TRIM33: variants seen among roughly 807,000 people sequenced by gnomAD.
TRIM33 encodes the protein E3 ubiquitin-protein ligase TRIM33.
TRIM33 carries 20 observed loss-of-function variants against 125.4 expected under a neutral mutation model. The observed-to-expected ratio is 0.16, with a 90% CI of 0.11 to 0.23. TRIM33 has a LOEUF of 0.23. Among genes scored for constraint, TRIM33 ranks in the 10% least tolerant of loss-of-function variants. TRIM33 has a pLI of 1.00. For missense variants in TRIM33, 920 were observed against 1,411.4 expected (o/e 0.65, Z 5.58); for synonymous variants, 564 against 513.9 (o/e 1.10, Z -1.32).
intron 11 of TRIM33, among the ~76,000 whole-genome samples, chr1:114,413,042 GC>G (rs1396870404): frequency 7.2e-5 from 11 of 152,100 alleles, no homozygotes; most frequent in Non-Finnish European, 1.2e-4. Flanking sequence ...TTTAATTTTA[GC>G]CATCCTAATA....
At chr1:114,451,154 T>C (rs1013766373) in intron 4 of TRIM33, among the ~76,000 whole-genome samples, 9 of 152,156 alleles carry the variant, frequency 5.9e-5, no homozygotes, top group African/African-American at 1.9e-4. Flanking sequence ...CCTCCCCATG[T>C]GGACCTAATA....
intron 1 of TRIM33, among the ~76,000 whole-genome samples, chr1:114,477,205 T>C (rs1166821968): frequency 6.6e-6 from 1 of 152,146 alleles, no homozygotes; most frequent in East Asian, 1.9e-4. Flanking sequence ...TATATGGTTA[T>C]ATAAACAGAT....
At chr1:114,414,422 T>C (rs1009274963) in intron 11 of TRIM33, among the ~76,000 whole-genome samples, 1 of 148,372 alleles carries the variant, frequency 6.7e-6, no homozygotes, top group African/African-American at 2.4e-5. Context: ...CTCTTTCCTG[T>C]TCTTCACTGG....
chr1:114,397,638 C>G lies in TRIM33; in HGVS notation c.*10G>C, dbSNP rs1311550014. The G allele has an allele frequency of 2.1e-6, 1 of 474,670 alleles. No homozygotes were observed. 29.4% of individuals were successfully genotyped at this position (474,670 alleles called of 1,614,324 possible). A position where few individuals can be genotyped will look rare whatever the true frequency, so the allele number is the denominator to read the frequency against. ...TTTTTTTTAAACAATTGATTTAAAT[C>G]CATGTCATTTTACTTTATATGTACT... is the stretch of plus-strand genomic sequence containing the variant. On this transcript the variant is annotated 3_prime_UTR_variant, in exon 20 of 20. Transcript: ENST00000358465.
intron 11 of TRIM33, 43 bp downstream of exon 11, chr1:114,421,393 T>C: frequency 6.5e-7 from 1 of 1,540,664 alleles, no homozygotes; most frequent in Non-Finnish European, 9.0e-7. Flanking sequence ...ACTCTGTAAT[T>C]AACATTAAGT....
In TRIM33 at chr1:114,405,471, C is replaced by T. The variant is rs748568840; in HGVS notation, c.2707G>A (p.Glu903Lys). Residue 903 changes from glutamate to lysine, a missense_variant, in exon 15 of 20, where the codon GAA (glutamate) becomes AAA (lysine). By Grantham distance (56) the Glu-to-Lys change is moderately conservative. Transcript: ENST00000358465. The stretch of plus-strand genomic sequence containing the variant: ...AGATGAAAGACCTTTGGACATTTTT[C>T]GCAGCACAAGAGATCTCCTCCGTTT... The part of the protein sequence containing the change: ...CQNGGDLLCC[E>K]KCPKVFHLTC... 1 of 1,614,002 alleles carries T rather than the reference C, an allele frequency of 6.2e-7. No homozygotes were observed. Among genetic ancestry groups the T allele is most frequent in the Non-Finnish European group, 8.5e-7 (1 of 1,179,958 alleles).
intron 6 of TRIM33, among the ~76,000 whole-genome samples, chr1:114,429,342 C>T (rs1464282092): frequency 6.6e-6 from 1 of 151,936 alleles, no homozygotes; most frequent in Non-Finnish European, 1.5e-5. Context: ...CATACACCAC[C>T]ACGCCTGGCT....
At chr1:114,479,908 C>T (rs970867908) in intron 1 of TRIM33, among the ~76,000 whole-genome samples, 7 of 135,750 alleles carry the variant, frequency 5.2e-5, no homozygotes, top group Admixed American at 2.1e-4. Context: ...AAGGTGGGGG[C>T]GCCTCTGCCC....
At chr1:114,405,244 A>G in intron 15 of TRIM33, 166 bp downstream of exon 15, 1 of 589,250 alleles carries the variant, frequency 1.7e-6, no homozygotes, top group Non-Finnish European at 3.0e-6. Flanking sequence ...GATCTTAGAT[A>G]TTTTATTGTT....
At chr1:114,496,953 G>C (rs947462046) in intron 1 of TRIM33, among the ~76,000 whole-genome samples, 29 of 152,208 alleles carry the variant, frequency 1.9e-4, no homozygotes, top group African/African-American at 7.0e-4. Flanking sequence ...CACAGCTATA[G>C]TGTAAGTACA....
At position 114,424,746 on chromosome 1, in the gene TRIM33, A is replaced by G. The variant is rs769912431; in HGVS notation, c.1705T>C (p.Leu569=). The G allele has an allele frequency of 2.7e-6, 4 of 1,504,228 alleles. No homozygotes were observed. In the African/African-American group the frequency reaches 4.2e-5, roughly 16 times the overall value. The allele number at this position is 1,504,228 out of a possible 1,614,324, so 93.2% of individuals were successfully genotyped here. Residue 569 remains leucine (L), a synonymous_variant, in exon 10 of 20, where the codon TTG becomes CTG. Coordinates refer to ENST00000358465, the MANE Select transcript of TRIM33 (RefSeq NM_015906.4). ...CTTTGCATTGTTTGCACACTGATCA[A>G]TCGAGGAGGCTACAAAAAGTAGAAA... ...PQMLQQQPPR[L]ISVQTMQRGN...
chr1:114,495,659 G>T (rs77336200), intron 1 of TRIM33, among the ~76,000 whole-genome samples: 2 of 152,226 alleles, frequency 1.3e-5, no homozygotes, highest in East Asian at 3.9e-4. Flanking sequence ...TACTTTGAAA[G>T]CATTCAACAT....
chr1:114,400,581 G>A (rs531624088), intron 17 of TRIM33, among the ~76,000 whole-genome samples: 8 of 152,320 alleles, frequency 5.3e-5, no homozygotes, highest in South Asian at 4.1e-4. Context: ...ACTTAAAGAT[G>A]AGACAAATTT....
chr1:114,482,120 T>C (rs561112329), intron 1 of TRIM33, among the ~76,000 whole-genome samples: 57 of 152,270 alleles, frequency 3.7e-4, no homozygotes, highest in African/African-American at 1.3e-3. Context: ...CAGCCACACA[T>C]GATTACTGAA....
chr1:114,497,028 T>C (rs955133106), intron 1 of TRIM33, among the ~76,000 whole-genome samples: 2 of 152,226 alleles, frequency 1.3e-5, no homozygotes, highest in African/African-American at 4.8e-5. Flanking sequence ...AAGCATGACA[T>C]TTAAAATCCA....
chr1:114,443,928 GAC>G (rs1347465119), intron 4 of TRIM33, among the ~76,000 whole-genome samples: 1 of 151,694 alleles, frequency 6.6e-6, no homozygotes, highest in African/African-American at 2.4e-5. Context: ...TTTCAGCCAG[GAC>G]ACAGTGACTG....
At chr1:114,500,862 A>T (rs1443738837) in intron 1 of TRIM33, among the ~76,000 whole-genome samples, 1 of 152,188 alleles carries the variant, frequency 6.6e-6, no homozygotes, top group Admixed American at 6.5e-5. Flanking sequence ...TAATGACTTA[A>T]AACAACAATA....
intron 9 of TRIM33, among the ~76,000 whole-genome samples, chr1:114,425,226 G>A (rs2101158086): frequency 6.6e-6 from 1 of 152,270 alleles, no homozygotes; most frequent in South Asian, 2.1e-4. Flanking sequence ...TCCTTTCAGA[G>A]TATTAGTGAA....
chr1:114,487,222 A>T (rs1469620943), intron 1 of TRIM33, among the ~76,000 whole-genome samples: 2 of 151,996 alleles, frequency 1.3e-5, no homozygotes, highest in Non-Finnish European at 2.9e-5. Context: ...ACCAAGATAC[A>T]TCATAAAAGT....
Sources: gnomAD v4.1 joint callset for allele counts (sites outside exome capture counted in the v4.1 genomes callset) on GRCh38, gnomAD v4.1.1 for gene constraint, MANE v1.5 for transcripts, NCBI Gene and HGNC (gene_info 2026-07-23, HGNC 2026-07-21) for gene names.